Variants in ZXDC observed in about 807,000 individuals in gnomAD.
The protein encoded by ZXDC is ZXD family zinc finger C, also known as zinc finger protein ZXDC.
ZXDC carries 58 observed loss-of-function variants against 63.6 expected under a neutral mutation model. The ratio of observed to expected loss-of-function variants is 0.91; its 90% confidence interval spans 0.74 to 1.13. ZXDC has a LOEUF of 1.13. Ranked by LOEUF, ZXDC falls within the 50% of genes most tolerant of loss-of-function variation. The probability of loss-of-function intolerance (pLI) is 0.00; values close to 1 mark genes in which losing one functional copy is unlikely to be tolerated. For missense variants in ZXDC, 1,133 were observed against 1,148.9 expected (o/e 0.99, Z 0.20); for synonymous variants, 561 against 496.1 (o/e 1.13, Z -1.74).
intron 1 of ZXDC, among the ~76,000 whole-genome samples, chr3:126,474,581 C>T (rs1030249288): frequency 1.3e-5 from 2 of 152,214 alleles, no homozygotes; most frequent in African/African-American, 4.8e-5. Flanking sequence ...ACATTCATCT[C>T]TGCTCCTCTA....
intron 5 of ZXDC, 93 bp from the exon 6 acceptor site, chr3:126,462,313 A>G: frequency 1.4e-6 from 2 of 1,480,814 alleles, no homozygotes; most frequent in Non-Finnish European, 1.8e-6. Context: ...TGATGCCCCA[A>G]GGAAGCACTG....
At chr3:126,447,112 C>T (rs1255431336) in intron 7 of ZXDC, among the ~76,000 whole-genome samples, 2 of 152,222 alleles carry the variant, frequency 1.3e-5, no homozygotes, top group Admixed American at 6.5e-5. Context: ...CTGCCTCCTC[C>T]CATCTCACAG....
intron 1 of ZXDC, among the ~76,000 whole-genome samples, chr3:126,474,719 T>C (rs1436581681): frequency 6.6e-6 from 1 of 152,286 alleles, no homozygotes; most frequent in African/African-American, 2.4e-5. Flanking sequence ...AGGATATCTG[T>C]TGCCGCCACC....
chr3:126,465,821 G>A (rs762508239), intron 5 of ZXDC, among the ~76,000 whole-genome samples: 5 of 152,120 alleles, frequency 3.3e-5, no homozygotes, highest in Non-Finnish European at 7.4e-5. Flanking sequence ...CATGGTGGTG[G>A]ATGCCTGTGG....
intron 7 of ZXDC, among the ~76,000 whole-genome samples, chr3:126,450,049 T>C (rs1191050796): frequency 4.6e-5 from 7 of 152,172 alleles, no homozygotes; most frequent in Admixed American, 4.6e-4. Context: ...CCTTTCTACC[T>C]TTCCCTGAGA....
chr3:126,466,807 G>A (rs1001091150), intron 4 of ZXDC, among the ~76,000 whole-genome samples: 1 of 152,116 alleles, frequency 6.6e-6, no homozygotes, highest in Non-Finnish European at 1.5e-5. Context: ...GATGCCCAGG[G>A]AGACTGAGCA....
chr3:126,463,206 C>G (rs1483399372), intron 5 of ZXDC, among the ~76,000 whole-genome samples: 3 of 151,856 alleles, frequency 2.0e-5, no homozygotes, highest in African/African-American at 7.3e-5. Flanking sequence ...GTAACTGGGA[C>G]TACAGGCACC....
chr3:126,465,330 G>A (rs931256412), intron 5 of ZXDC, among the ~76,000 whole-genome samples: 2 of 152,246 alleles, frequency 1.3e-5, no homozygotes, highest in African/African-American at 2.4e-5. Context: ...AGAAGGCCTA[G>A]TGGGGTAGGT....
chr3:126,472,406 A>G, intron 1 of ZXDC, 101 bp from the exon 2 acceptor site: 1 of 1,390,672 alleles, frequency 7.2e-7, no homozygotes. Flanking sequence ...ACTGAAGCAG[A>G]CAAGGGAAAA....
chr3:126,453,728 C>G, intron 7 of ZXDC: 1 of 982,200 alleles, frequency 1.0e-6, no homozygotes, highest in Non-Finnish European at 1.2e-6. Context: ...GAGTTTCGCT[C>G]TTGTTGCCCA....
chr3:126,462,022 G>C lies in ZXDC; in HGVS notation c.1640C>G (p.Ser547Cys). The change falls in exon 6 of 10, where the codon TCC (serine) becomes TGC (cysteine). Residue 547 changes from serine (S) to cysteine (C), a missense_variant. Coordinates refer to ENST00000389709, the MANE Select transcript of ZXDC (RefSeq NM_025112.5). ...ILTIDVTSVS[S>C]SLGGNLPANN... ...AGCAGGGAGGTTCCCTCCCAGAGAG[G>C]AGCTCACAGAAGTGACGTCAATAGT... 2 of 1,614,114 alleles carry C rather than the reference G, an allele frequency of 1.2e-6. No homozygotes were observed. The highest frequency in any genetic ancestry group is 1.7e-6 in the Non-Finnish European group (2 of 1,180,030).
At chr3:126,439,289 C>T (rs1329086310) in intron 9 of ZXDC, among the ~76,000 whole-genome samples, 1 of 152,260 alleles carries the variant, frequency 6.6e-6, no homozygotes, top group East Asian at 1.9e-4. Flanking sequence ...AGCTTAACCA[C>T]GTAAGCAAAC....
At chr3:126,462,607 C>T (rs772286390) in intron 5 of ZXDC, among the ~76,000 whole-genome samples, 97 of 152,306 alleles carry the variant, frequency 6.4e-4, no homozygotes, top group Middle Eastern at 6.8e-3. Context: ...CCTGCACCCT[C>T]TCCCCTCTAG....
chr3:126,471,999 G>A lies in ZXDC; in HGVS notation c.1113C>T (p.Ser371=). 4 of 1,613,532 alleles carry A rather than the reference G, an allele frequency of 2.5e-6. No homozygotes were observed. The African/African-American group carries it at 4.0e-5, about 16-fold the overall frequency. ...DSDSCGWTFT[S]MSKLLRHRRK... The stretch of plus-strand genomic sequence containing the variant: ...TTCTGTGCCTTAGAAGTTTGGACAT[G>A]CTGGTGAAGGTCCAGCCACAGCTGT... Residue 371 remains serine, a synonymous_variant, in exon 3 of 10, where the codon AGC becomes AGT. Transcript: ENST00000389709.
At chr3:126,473,267 C>T (rs1250466136) in intron 1 of ZXDC, among the ~76,000 whole-genome samples, 1 of 152,192 alleles carries the variant, frequency 6.6e-6, no homozygotes, top group Admixed American at 6.5e-5. Flanking sequence ...CCCCACACCC[C>T]CATAGATAAT....
chr3:126,447,912 G>A (rs750577428), intron 7 of ZXDC, among the ~76,000 whole-genome samples: 3 of 152,206 alleles, frequency 2.0e-5, no homozygotes, highest in Non-Finnish European at 4.4e-5. Flanking sequence ...GTGAGACACA[G>A]TGTTCCTGCA....
Position 126,466,315 on chromosome 3 carries a change from C to G in ZXDC, c.1281G>C (p.Ala427=), listed in dbSNP as rs1027781800. 2 of 1,614,162 alleles carry G rather than the reference C, an allele frequency of 1.2e-6. No homozygotes were observed. Among genetic ancestry groups the G allele is most frequent in the South Asian group, 1.1e-5 (1 of 91,072 alleles). The change falls in exon 5 of 10, where the codon GCG becomes GCC. Residue 427 remains alanine (A), a synonymous_variant. Transcript: ENST00000389709. The stretch of plus-strand genomic sequence containing the variant: ...ACAGACTGCTACGAGCGGAGAACCT[C>G]GCGCAACATCCTGGAACAAAAAGAG... ...PFECPVEGCC[A]RFSARSSLYI...
intron 3 of ZXDC, 95 bp downstream of exon 3, chr3:126,471,878 A>G (rs765027590): frequency 4.2e-5 from 46 of 1,106,040 alleles, no homozygotes; most frequent in Non-Finnish European, 5.7e-5. Flanking sequence ...TTAACAACTT[A>G]AAAAATGTCT....
intron 7 of ZXDC, chr3:126,457,468 A>T: frequency 6.1e-6 from 6 of 985,450 alleles, no homozygotes; most frequent in Non-Finnish European, 7.2e-6. Context: ...TGTGGGTGGC[A>T]CTGACAGCAG....
Sources: gnomAD v4.1 joint callset for allele counts (sites outside exome capture counted in the v4.1 genomes callset) on GRCh38, gnomAD v4.1.1 for gene constraint, MANE v1.5 for transcripts, NCBI Gene and HGNC (gene_info 2026-07-23, HGNC 2026-07-21) for gene names.